Variants in DISC1 observed in about 807,000 individuals in gnomAD.
The protein encoded by DISC1 is disrupted in schizophrenia 1 protein.
Under a neutral mutation model 84.5 loss-of-function variants are expected in DISC1, and 57 were observed. The ratio of observed to expected loss-of-function variants is 0.67; its 90% CI spans 0.55 to 0.84. The LOEUF is 0.84. Ranked by LOEUF, DISC1 falls within the 40% of genes least tolerant of loss-of-function variation. DISC1 has a pLI of 0.00. For missense variants in DISC1, 1,000 were observed against 1,057.8 expected (o/e 0.95, Z 0.76); for synonymous variants, 411 against 415.2 (o/e 0.99, Z 0.12).
chr1:231,661,751 C>T (rs934905050), intron 1 of DISC1, among the ~76,000 whole-genome samples: 1 of 152,156 alleles, frequency 6.6e-6, no homozygotes, highest in Non-Finnish European at 1.5e-5. Flanking sequence ...TCTGTCAGTT[C>T]AGTCATCTCA....
intron 9 of DISC1, among the ~76,000 whole-genome samples, chr1:231,883,597 G>A (rs2086452933): frequency 6.6e-6 from 1 of 152,168 alleles, no homozygotes; most frequent in African/African-American, 2.4e-5. Flanking sequence ...TCAGCAAGGT[G>A]GGAGGTCATA....
intron 3 of DISC1, among the ~76,000 whole-genome samples, chr1:231,709,064 G>A (rs556552752): frequency 6.6e-6 from 1 of 152,292 alleles, no homozygotes; most frequent in African/African-American, 2.4e-5. Context: ...CATAGGAAGA[G>A]AATATGAACA....
intron 9 of DISC1, among the ~76,000 whole-genome samples, chr1:231,949,145 G>A (rs559514991): frequency 2.0e-5 from 3 of 152,250 alleles, no homozygotes; most frequent in Admixed American, 6.5e-5. Context: ...TGGGATTACA[G>A]GCGTGAGCCA....
intron 9 of DISC1, among the ~76,000 whole-genome samples, chr1:231,821,892 G>A (rs1488124471): frequency 6.6e-6 from 1 of 151,848 alleles, no homozygotes; most frequent in African/African-American, 2.4e-5. Context: ...GTAGTGACGG[G>A]GTTTCACCAT....
chr1:231,800,999 G>C (rs975133572), intron 8 of DISC1, among the ~76,000 whole-genome samples: 3 of 152,006 alleles, frequency 2.0e-5, no homozygotes, highest in African/African-American at 7.2e-5. Context: ...AATGGACCCA[G>C]AGCTCATCAG....
chr1:231,938,327 G>A (rs1327407996), intron 9 of DISC1, among the ~76,000 whole-genome samples: 1 of 152,174 alleles, frequency 6.6e-6, no homozygotes, highest in Non-Finnish European at 1.5e-5. Context: ...GAGGAGCCAT[G>A]AGGCAGAGGG....
At chr1:231,668,478 C>G (rs2062236298) in intron 1 of DISC1, among the ~76,000 whole-genome samples, 1 of 152,108 alleles carries the variant, frequency 6.6e-6, no homozygotes, top group Non-Finnish European at 1.5e-5. Context: ...GTGGGATGTG[C>G]AACACAGTGG....
chr1:231,766,277 A>T (rs2125430370), intron 4 of DISC1, among the ~76,000 whole-genome samples: 1 of 140,786 alleles, frequency 7.1e-6, no homozygotes, highest in Middle Eastern at 3.6e-3. Context: ...GTGTCGCAGT[A>T]AGACATTATC....
chr1:231,772,514 C>G (rs1262459923), intron 6 of DISC1, among the ~76,000 whole-genome samples: 2 of 152,158 alleles, frequency 1.3e-5, no homozygotes, highest in African/African-American at 4.8e-5. Flanking sequence ...TGAAGGTTAA[C>G]TCCTCACTCA....
chr1:231,882,180 C>T (rs1217407761), intron 9 of DISC1, among the ~76,000 whole-genome samples: 1 of 152,192 alleles, frequency 6.6e-6, no homozygotes, highest in Non-Finnish European at 1.5e-5. Context: ...ATGCACTATT[C>T]TTGCCATCTC....
chr1:231,838,564 C>T (rs1361717336), intron 9 of DISC1, among the ~76,000 whole-genome samples: 2 of 152,192 alleles, frequency 1.3e-5, no homozygotes, highest in African/African-American at 4.8e-5. Context: ...CTTCTCTCTT[C>T]CACTCTCGTT....
intron 3 of DISC1, among the ~76,000 whole-genome samples, chr1:231,724,355 C>T (rs1438831581): frequency 6.6e-6 from 1 of 152,156 alleles, no homozygotes; most frequent in African/African-American, 2.4e-5. Context: ...GGACTTCTTA[C>T]TATGTTTAAA....
At chr1:232,018,685 A>G (rs1239724903) in intron 11 of DISC1, among the ~76,000 whole-genome samples, 3 of 152,198 alleles carry the variant, frequency 2.0e-5, no homozygotes, top group African/African-American at 4.8e-5. Flanking sequence ...GAGTTAAGCA[A>G]ATTATATTTG....
chr1:231,656,847 ATT>A (rs1470382669), intron 1 of DISC1, among the ~76,000 whole-genome samples: 1 of 152,086 alleles, frequency 6.6e-6, no homozygotes, highest in Non-Finnish European at 1.5e-5. Flanking sequence ...TATTTTCATC[ATT>A]TAGTTCCCAC....
At chr1:231,966,951 C>T (rs1661202940) in intron 10 of DISC1, among the ~76,000 whole-genome samples, 1 of 152,176 alleles carries the variant, frequency 6.6e-6, no homozygotes, top group African/African-American at 2.4e-5. Flanking sequence ...AGTTGGATAC[C>T]TCCTTGGAGG....
intron 1 of DISC1, among the ~76,000 whole-genome samples, chr1:231,657,224 G>T (rs1233661221): frequency 6.6e-6 from 1 of 152,154 alleles, no homozygotes; most frequent in African/African-American, 2.4e-5. Context: ...TTCCACAATG[G>T]TTGAACTAAT....
chr1:231,658,352 T>C (rs775511067), intron 1 of DISC1, among the ~76,000 whole-genome samples: 1 of 152,246 alleles, frequency 6.6e-6, no homozygotes, highest in Non-Finnish European at 1.5e-5. Context: ...CTGCTGAAGT[T>C]GCTTATCAGC....
chr1:231,925,511 T>C (rs1249430520), intron 9 of DISC1, among the ~76,000 whole-genome samples: 2 of 152,118 alleles, frequency 1.3e-5, no homozygotes, highest in Non-Finnish European at 2.9e-5. Flanking sequence ...GAGCTTCCCC[T>C]CCACTGGTGA....
At chr1:231,721,163 C>A in intron 3 of DISC1, 1 of 1,193,358 alleles carries the variant, frequency 8.4e-7, no homozygotes, top group South Asian at 1.3e-5. Flanking sequence ...ATGAAAGAAA[C>A]AGAGGAAATA....
Sources: allele counts gnomAD v4.1 joint callset (sites outside exome capture counted in the v4.1 genomes callset), GRCh38; gene constraint gnomAD v4.1.1; transcripts MANE v1.5; gene names NCBI Gene and HGNC (gene_info 2026-07-23, HGNC 2026-07-21).